The following CHST8 variants were observed in gnomAD, a reference collection of about 807,000 sequenced individuals.
CHST8 encodes GALNAC-4-ST1.
A neutral mutation model predicts 15.0 loss-of-function variants in CHST8; 10 were observed. That is an observed-to-expected ratio of 0.67 (90% CI 0.41 to 1.13). CHST8 has a LOEUF of 1.13. Ranked by LOEUF, CHST8 falls within the 50% of genes most tolerant of loss-of-function variation. The pLI is 0.00. For missense variants in CHST8, 634 were observed against 608.2 expected (o/e 1.04, Z -0.45); for synonymous variants, 259 against 256.6 (o/e 1.01, Z -0.09).
chr19:33,694,040 A>C (rs987405260), intron 3 of CHST8, among the ~76,000 whole-genome samples: 6 of 145,202 alleles, frequency 4.1e-5, no homozygotes, highest in Non-Finnish European at 6.0e-5. Context: ...GTTTATTCAT[A>C]GATATGTATA....
intron 1 of CHST8, among the ~76,000 whole-genome samples, chr19:33,623,049 C>A (rs1972006149): frequency 6.6e-6 from 1 of 152,168 alleles, no homozygotes; most frequent in African/African-American, 2.4e-5. Flanking sequence ...TGGAGGCCAG[C>A]CGGGCCAGGA....
intron 1 of CHST8, among the ~76,000 whole-genome samples, chr19:33,659,737 G>T (rs1042912978): frequency 6.6e-5 from 10 of 152,122 alleles, no homozygotes; most frequent in African/African-American, 2.4e-4. Context: ...CTGAGCCCAG[G>T]GAGGTGGAGG....
At chr19:33,745,064 G>A (rs1419491572) in intron 3 of CHST8, among the ~76,000 whole-genome samples, 3 of 152,034 alleles carry the variant, frequency 2.0e-5, no homozygotes, top group African/African-American at 4.8e-5. Context: ...TTTTTATTTT[G>A]TGTAGAGATG....
At chr19:33,650,088 A>G (rs1332343497) in intron 1 of CHST8, among the ~76,000 whole-genome samples, 1 of 152,146 alleles carries the variant, frequency 6.6e-6, no homozygotes, top group African/African-American at 2.4e-5. Flanking sequence ...GAGTCTTATG[A>G]TCTCTGTGTT....
intron 3 of CHST8, among the ~76,000 whole-genome samples, chr19:33,734,175 G>A (rs1041292481): frequency 1.4e-4 from 22 of 152,262 alleles, no homozygotes; most frequent in African/African-American, 4.8e-4. Context: ...AAAACCAATG[G>A]CCATGGGAGT....
chr19:33,758,651 G>T (rs1162443364), intron 3 of CHST8, among the ~76,000 whole-genome samples: 5 of 152,232 alleles, frequency 3.3e-5, no homozygotes, highest in African/African-American at 1.2e-4. Context: ...CTGGGCCACA[G>T]TGGTAATGAG....
At chr19:33,631,036 T>C (rs8100539) in intron 1 of CHST8, among the ~76,000 whole-genome samples, 31,155 of 152,152 alleles carry the variant, frequency 0.2, 3,409 homozygotes, top group Non-Finnish European at 0.25. Context: ...ATGCAGTCTG[T>C]CTACACTAGT....
intron 2 of CHST8, among the ~76,000 whole-genome samples, chr19:33,687,649 A>G (rs1170735387): frequency 1.3e-5 from 2 of 152,170 alleles, no homozygotes; most frequent in Non-Finnish European, 1.5e-5. Flanking sequence ...GAGTGAAAAA[A>G]TAATTATAGA....
intron 3 of CHST8, among the ~76,000 whole-genome samples, chr19:33,691,936 A>G (rs1379076404): frequency 2.0e-5 from 3 of 152,196 alleles, no homozygotes; most frequent in Non-Finnish European, 2.9e-5. Flanking sequence ...TTTGTGGCAC[A>G]ACAAATGTAG....
At chr19:33,769,964 A>G (rs796177715) in intron 3 of CHST8, among the ~76,000 whole-genome samples, 61 of 152,186 alleles carry the variant, frequency 4.0e-4, no homozygotes, top group African/African-American at 1.4e-3. Context: ...CTCTCTTGGG[A>G]CTTGAGGAAG....
intron 1 of CHST8, among the ~76,000 whole-genome samples, chr19:33,655,288 C>T (rs1297107775): frequency 2.0e-5 from 3 of 152,168 alleles, no homozygotes; most frequent in African/African-American, 4.8e-5. Flanking sequence ...CTGCCCGCCT[C>T]AGCCTCCGAA....
At chr19:33,723,839 A>G (rs1270519151) in intron 3 of CHST8, among the ~76,000 whole-genome samples, 1 of 152,046 alleles carries the variant, frequency 6.6e-6, no homozygotes, top group African/African-American at 2.4e-5. Flanking sequence ...TTGTCACCCC[A>G]TTGTGTTACC....
chr19:33,715,053 A>G (rs899337007), intron 3 of CHST8, among the ~76,000 whole-genome samples: 1 of 152,142 alleles, frequency 6.6e-6, no homozygotes, highest in Non-Finnish European at 1.5e-5. Context: ...CTGTTCCTCA[A>G]GATCACTCCT....
intron 3 of CHST8, among the ~76,000 whole-genome samples, chr19:33,758,868 C>A (rs1032691249): frequency 6.6e-6 from 1 of 151,826 alleles, no homozygotes; most frequent in Non-Finnish European, 1.5e-5. Context: ...CATTGGCTCA[C>A]GGCTCTGCAG....
intron 3 of CHST8, among the ~76,000 whole-genome samples, chr19:33,727,545 C>G (rs757669461): frequency 3.9e-5 from 6 of 152,190 alleles, no homozygotes; most frequent in Non-Finnish European, 8.8e-5. Flanking sequence ...GCTGGGGCCT[C>G]AGCACCGGAT....
At chr19:33,765,003 G>C (rs1263992941) in intron 3 of CHST8, among the ~76,000 whole-genome samples, 1 of 146,874 alleles carries the variant, frequency 6.8e-6, no homozygotes, top group African/African-American at 2.6e-5. Context: ...CACCCAGGTG[G>C]CTGCGAATGC....
intron 3 of CHST8, among the ~76,000 whole-genome samples, chr19:33,746,855 A>G (rs1217892684): frequency 6.6e-6 from 1 of 151,876 alleles, no homozygotes; most frequent in East Asian, 1.9e-4. Flanking sequence ...TTATTTTTCC[A>G]TAAGATGCTC....
chr19:33,641,495 G>A (rs1485522500), intron 1 of CHST8, among the ~76,000 whole-genome samples: 1 of 152,218 alleles, frequency 6.6e-6, no homozygotes, highest in Non-Finnish European at 1.5e-5. Context: ...GCGGTGAGGA[G>A]TTTTCTGCAA....
intron 1 of CHST8, among the ~76,000 whole-genome samples, chr19:33,661,136 G>C (rs1304813476): frequency 6.6e-6 from 1 of 152,096 alleles, no homozygotes; most frequent in Non-Finnish European, 1.5e-5. Context: ...AGAAGACCCT[G>C]TCTCTACAAA....
Sources: gnomAD v4.1 joint callset for allele counts (sites outside exome capture counted in the v4.1 genomes callset) on GRCh38, gnomAD v4.1.1 for gene constraint, MANE v1.5 for transcripts, NCBI Gene and HGNC (gene_info 2026-07-23, HGNC 2026-07-21) for gene names.